SIPA1L3: variants seen among roughly 807,000 people sequenced by gnomAD.
SIPA1L3 encodes signal-induced proliferation-associated 1-like protein 3.
Under a neutral mutation model 150.1 loss-of-function variants are expected in SIPA1L3, and 59 were observed. The ratio of observed to expected loss-of-function variants is 0.39; its 90% CI spans 0.32 to 0.49. The LOEUF (loss-of-function observed/expected upper bound fraction) is 0.49, where lower values mean the gene tolerates loss of function less well. SIPA1L3 is among the 20% of genes least tolerant of loss of function. The pLI, the probability that SIPA1L3 is intolerant of heterozygous loss-of-function variation, is 0.86. For missense variants in SIPA1L3, 2,211 were observed against 2,489.5 expected (o/e 0.89, Z 2.38); for synonymous variants, 1,070 against 1,077.6 (o/e 0.99, Z 0.14).
At chr19:37,914,647 G>A (rs1367501179) in intron 1 of SIPA1L3, among the ~76,000 whole-genome samples, 1 of 152,060 alleles carries the variant, frequency 6.6e-6, no homozygotes, top group Admixed American at 6.6e-5. Context: ...AAAGTGCTGG[G>A]ATTACAGGTG....
chr19:38,039,527 C>G (rs1968864674), intron 2 of SIPA1L3, among the ~76,000 whole-genome samples: 1 of 151,676 alleles, frequency 6.6e-6, no homozygotes, highest in Non-Finnish European at 1.5e-5. Context: ...AACCCCATCT[C>G]TACTAAAAAT....
chr19:38,168,092 G>A (rs182436815), intron 15 of SIPA1L3, among the ~76,000 whole-genome samples: 9 of 152,208 alleles, frequency 5.9e-5, no homozygotes, highest in African/African-American at 1.9e-4. Context: ...AAATGAATAC[G>A]TGTGCGCTCC....
intron 1 of SIPA1L3, among the ~76,000 whole-genome samples, chr19:38,010,480 G>A (rs939676273): frequency 6.6e-6 from 1 of 151,504 alleles, no homozygotes; most frequent in Non-Finnish European, 1.5e-5. Flanking sequence ...GGAGGCTGAG[G>A]CAGGTGGATC....
intron 1 of SIPA1L3, among the ~76,000 whole-genome samples, chr19:37,916,424 C>T (rs1035728263): frequency 1.3e-5 from 2 of 150,424 alleles, no homozygotes; most frequent in Non-Finnish European, 2.9e-5. Context: ...CACTTGAGCC[C>T]AGGCACTACC....
chr19:38,004,606 GAA>G (rs1278991845), intron 1 of SIPA1L3, among the ~76,000 whole-genome samples: 1 of 152,154 alleles, frequency 6.6e-6, no homozygotes. Flanking sequence ...TGTCCTGAAA[GAA>G]AAAGAAGGTA....
chr19:37,925,694 A>G (rs980138214), intron 1 of SIPA1L3, among the ~76,000 whole-genome samples: 10 of 150,344 alleles, frequency 6.7e-5, no homozygotes, highest in African/African-American at 2.2e-4. Context: ...CCCAGGTTCA[A>G]GCGATTCTCC....
chr19:38,101,625 G>T (rs1174095616), intron 6 of SIPA1L3, among the ~76,000 whole-genome samples: 1 of 152,128 alleles, frequency 6.6e-6, no homozygotes, highest in Non-Finnish European at 1.5e-5. Context: ...TGGCCAGACT[G>T]GTCTCGAACT....
chr19:38,198,961 G>A (rs879457662), intron 19 of SIPA1L3, among the ~76,000 whole-genome samples: 5 of 152,144 alleles, frequency 3.3e-5, no homozygotes, highest in East Asian at 1.9e-4. Flanking sequence ...GCAAGACCCC[G>A]TGTCTGGGGG....
chr19:38,112,384 G>C (rs977893953), intron 8 of SIPA1L3, among the ~76,000 whole-genome samples: 1 of 152,044 alleles, frequency 6.6e-6, no homozygotes, highest in Admixed American at 6.6e-5. Flanking sequence ...TTGAGCTGGT[G>C]GGGGGAGCTG....
chr19:37,919,795 C>T (rs556509427), intron 1 of SIPA1L3, among the ~76,000 whole-genome samples: 1 of 147,522 alleles, frequency 6.8e-6, no homozygotes, highest in South Asian at 2.2e-4. Flanking sequence ...ACCGCAACCT[C>T]TGCCTCCCGG....
intron 6 of SIPA1L3, among the ~76,000 whole-genome samples, chr19:38,102,807 G>A (rs960750642): frequency 7.3e-5 from 11 of 150,388 alleles, no homozygotes; most frequent in Non-Finnish European, 1.2e-4. Context: ...ACTCCAGCCC[G>A]GATGACAAAG....
chr19:38,206,288 C>T lies in SIPA1L3; in HGVS notation c.*48C>T, dbSNP rs1232473897. 4.0e-6 allele frequency: 6 copies of T among 1,495,086 alleles called. No homozygotes were observed. The highest frequency in any genetic ancestry group is 3.6e-6 in the Non-Finnish European group (4 of 1,114,354). The allele number at this position is 1,495,086 out of a possible 1,614,324, so 92.6% of individuals were successfully genotyped here. A position where few individuals can be genotyped will look rare whatever the true frequency, so the allele number is the denominator to read the frequency against. ...TCGCTCCTTCCCCTCAGGCCGTGGC[C>T]CTGCTGCCTCTCTCCCTCCACTCAG... On this transcript the variant is annotated 3_prime_UTR_variant, in exon 22 of 22. Transcript: ENST00000222345.
intron 1 of SIPA1L3, among the ~76,000 whole-genome samples, chr19:37,929,925 C>T (rs1568467618): frequency 6.6e-6 from 1 of 152,162 alleles, no homozygotes; most frequent in East Asian, 1.9e-4. Context: ...GTGGTGTAAT[C>T]ATGGCTCACT....
chr19:38,118,834 G>A (rs753899227), intron 8 of SIPA1L3, among the ~76,000 whole-genome samples: 10 of 152,042 alleles, frequency 6.6e-5, no homozygotes, highest in Non-Finnish European at 1.2e-4. Context: ...GCGCCCAGCC[G>A]ACTTTTTATT....
At chr19:38,086,339 A>AG (rs1169099413) in intron 3 of SIPA1L3, among the ~76,000 whole-genome samples, 1 of 152,264 alleles carries the variant, frequency 6.6e-6, no homozygotes, top group East Asian at 1.9e-4. Context: ...CTTTAAAAAA[A>AG]AAAGCCGTTT....
intron 15 of SIPA1L3, among the ~76,000 whole-genome samples, chr19:38,173,111 A>G (rs1052160681): frequency 1.3e-5 from 2 of 152,222 alleles, no homozygotes; most frequent in Non-Finnish European, 2.9e-5. Context: ...AAAAAATGAT[A>G]ATAATAAAAT....
chr19:38,034,857 C>A (rs915409537), intron 2 of SIPA1L3, among the ~76,000 whole-genome samples: 1 of 152,200 alleles, frequency 6.6e-6, no homozygotes, highest in South Asian at 2.1e-4. Context: ...CCTTTTCTTT[C>A]TCTGGAGGTC....
chr19:38,134,744 C>T (rs1159676019), intron 10 of SIPA1L3, among the ~76,000 whole-genome samples: 1 of 143,194 alleles, frequency 7.0e-6, no homozygotes, highest in East Asian at 2.1e-4. Context: ...GCACGTGGGA[C>T]AGTACTTGGC....
chr19:37,957,798 G>A (rs1386566769), intron 1 of SIPA1L3, among the ~76,000 whole-genome samples: 1 of 151,910 alleles, frequency 6.6e-6, no homozygotes, highest in African/African-American at 2.4e-5. Context: ...CTGCAGCCTC[G>A]ACTTCTGAGC....
Sources: allele counts gnomAD v4.1 joint callset (sites outside exome capture counted in the v4.1 genomes callset), GRCh38; gene constraint gnomAD v4.1.1; transcripts MANE v1.5; gene names NCBI Gene and HGNC (gene_info 2026-07-23, HGNC 2026-07-21).